Variants in DNASE1 observed in about 807,000 individuals in gnomAD.
DNASE1 encodes the protein deoxyribonuclease 1.
Under a neutral mutation model 33.9 loss-of-function variants are expected in DNASE1, and 40 were observed. The ratio of observed to expected loss-of-function variants is 1.18; its 90% confidence interval spans 0.92 to 1.54. DNASE1 has a LOEUF of 1.54. Among genes scored for constraint, DNASE1 ranks in the 40% most tolerant of loss-of-function variants. The probability of loss-of-function intolerance (pLI) is 0.00; values close to 1 mark genes in which losing one functional copy is unlikely to be tolerated. For synonymous variants in DNASE1, 216 were observed against 160.0 expected, an observed-to-expected ratio of 1.35 and a Z score of -2.64; for missense variants, 518 against 372.6, an observed-to-expected ratio of 1.39 and a Z score of -3.21.
At chr16:3,617,624 G>A (rs1042051872) in intron 1 of DNASE1, among the ~76,000 whole-genome samples, 4 of 152,224 alleles carry the variant, frequency 2.6e-5, no homozygotes, top group Admixed American at 2.6e-4. Flanking sequence ...ACCGCAAGGT[G>A]ATGGGATTAG....
exon 10 of DNASE1, chr16:3,664,518 A>G: frequency 6.5e-7 from 1 of 1,527,372 alleles, no homozygotes; most frequent in Non-Finnish European, 8.8e-7. Context: ...ATGTTGCCCA[A>G]CTAACTGGGC....
At chr16:3,626,640 G>C (rs1436017216) in intron 1 of DNASE1, among the ~76,000 whole-genome samples, 2 of 152,212 alleles carry the variant, frequency 1.3e-5, no homozygotes, top group Admixed American at 1.3e-4. Flanking sequence ...ATGTCAGTTA[G>C]ATCCAGTTGG....
chr16:3,637,921 A>G (rs1324598441), intron 1 of DNASE1, among the ~76,000 whole-genome samples: 1 of 152,144 alleles, frequency 6.6e-6, no homozygotes, highest in Admixed American at 6.5e-5. Context: ...TTTGCCCTGT[A>G]ACTTCAGTTC....
At chr16:3,635,857 T>C (rs2041853818) in intron 1 of DNASE1, among the ~76,000 whole-genome samples, 1 of 152,220 alleles carries the variant, frequency 6.6e-6, no homozygotes, top group Admixed American at 6.5e-5. Flanking sequence ...ATTTTCTCTT[T>C]GTCTTTGATT....
chr16:3,626,488 G>T (rs994571429), intron 1 of DNASE1, among the ~76,000 whole-genome samples: 1 of 152,168 alleles, frequency 6.6e-6, no homozygotes, highest in Admixed American at 6.5e-5. Flanking sequence ...TATGGTCAGA[G>T]ATCATACTTT....
At chr16:3,648,285 G>A (rs773862597) in intron 1 of DNASE1, among the ~76,000 whole-genome samples, 6 of 151,898 alleles carry the variant, frequency 4.0e-5, no homozygotes, top group Non-Finnish European at 8.8e-5. Flanking sequence ...TGCAGTGGCC[G>A]GATGCGGTGG....
upstream of DNASE1, among the ~76,000 whole-genome samples, chr16:3,649,993 C>T (rs903829467): frequency 3.9e-5 from 6 of 152,062 alleles, no homozygotes; most frequent in South Asian, 6.2e-4. Flanking sequence ...AATTTCAAGT[C>T]ATCCTTAAAT....
chr16:3,652,634 G>A (rs2076686895), upstream of DNASE1: 1 of 152,224 alleles, frequency 6.6e-6, no homozygotes, highest in African/African-American at 2.4e-5. Flanking sequence ...AGGGACAGAT[G>A]AGTGCACCAG....
intron 1 of DNASE1, among the ~76,000 whole-genome samples, chr16:3,623,850 C>T (rs1285001177): frequency 6.6e-6 from 1 of 152,150 alleles, no homozygotes; most frequent in Non-Finnish European, 1.5e-5. Flanking sequence ...ATCAAAACCA[C>T]AGTGAGATAT....
chr16:3,616,993 C>T (rs2041125470), intron 1 of DNASE1, among the ~76,000 whole-genome samples: 1 of 152,058 alleles, frequency 6.6e-6, no homozygotes, highest in Non-Finnish European at 1.5e-5. Context: ...CAAATATTAA[C>T]TCAGAATGGA....
intron 1 of DNASE1, among the ~76,000 whole-genome samples, chr16:3,617,356 A>AAAAAAAAAC (rs2041144810): frequency 6.7e-6 from 1 of 148,962 alleles, no homozygotes; most frequent in Non-Finnish European, 1.5e-5. Flanking sequence ...AAAAAAAAGA[A>AAAAAAAAAC]TACTACAAGG....
At chr16:3,662,374 G>A (rs1262279739), downstream of DNASE1, 5 of 591,898 alleles carry the variant, frequency 8.4e-6, no homozygotes, top group East Asian at 5.7e-5. Context: ...GCTGCCTCCA[G>A]GAGCTGCCCG....
intron 1 of DNASE1, among the ~76,000 whole-genome samples, chr16:3,630,706 A>G (rs1310333494): frequency 6.6e-6 from 1 of 151,644 alleles, no homozygotes. Flanking sequence ...TTGACTTTCA[A>G]TCTAGTTGTG....
At position 3,654,694 on chromosome 16, in the gene DNASE1, G is replaced by GTTTT; in HGVS notation, c.-350_-347dup. On this transcript the variant is annotated 5_prime_UTR_variant, in exon 1 of 9. Coordinates refer to ENST00000246949, the MANE Select transcript of DNASE1 (RefSeq NM_005223.4). ...AGTGCAAACGTGATTATCAGGTGCA[G>GTTTT]TTTTTACAGCAGCAAGAAACCTGTG... 2.5e-6 allele frequency: 1 copy of GTTTT among 399,636 alleles called. No individual in the cohort carries two copies. The highest frequency in any genetic ancestry group is 1.3e-4 in the South Asian group (1 of 7,896). 24.8% of individuals were successfully genotyped at this position (399,636 alleles called of 1,614,324 possible). A position where few individuals can be genotyped will look rare whatever the true frequency, so the allele number is the denominator to read the frequency against.
intron 1 of DNASE1, among the ~76,000 whole-genome samples, chr16:3,637,876 C>T (rs570396170): frequency 1.3e-5 from 2 of 152,124 alleles, no homozygotes; most frequent in Non-Finnish European, 2.9e-5. Context: ...CTCCAGTTCA[C>T]CCTGTTGACA....
intron 1 of DNASE1, among the ~76,000 whole-genome samples, chr16:3,630,038 C>G (rs1439450422): frequency 2.0e-5 from 3 of 152,110 alleles, no homozygotes; most frequent in African/African-American, 7.2e-5. Context: ...AGACTGGTCT[C>G]AAAATCCTAA....
At chr16:3,628,060 C>G (rs562378392) in intron 1 of DNASE1, among the ~76,000 whole-genome samples, 1 of 150,998 alleles carries the variant, frequency 6.6e-6, no homozygotes, top group East Asian at 1.9e-4. Context: ...TTAACAATAT[C>G]GTCCAACCCA....
At chr16:3,633,955 C>A (rs2041786405) in intron 1 of DNASE1, among the ~76,000 whole-genome samples, 1 of 151,808 alleles carries the variant, frequency 6.6e-6, no homozygotes, top group Non-Finnish European at 1.5e-5. Flanking sequence ...GCTACAGGTG[C>A]CCACCACCAC....
In DNASE1 at chr16:3,657,025, C is replaced by T; in HGVS notation, c.463C>T (p.Leu155=). The T allele has an allele frequency of 6.2e-7, 1 of 1,613,860 alleles. No individual in the cohort carries two copies. Among genetic ancestry groups the T allele is most frequent in the African/African-American group, 1.3e-5 (1 of 75,036 alleles). Residue 155 remains leucine, a synonymous_variant, in exon 6 of 9, where the codon CTG becomes TTG. Transcript: ENST00000246949. ...GGTCAGGGAGTTTGCCATTGTTCCCCTGCATGCGGCCCCGGGGGACGCAGT... is the reference window on the plus strand; with the variant it reads ...GGTCAGGGAGTTTGCCATTGTTCCCTTGCATGCGGCCCCGGGGGACGCAGT... ...TEVREFAIVP[L]HAAPGDAVAE...
Sources: gnomAD v4.1 joint callset for allele counts (sites outside exome capture counted in the v4.1 genomes callset) on GRCh38, gnomAD v4.1.1 for gene constraint, MANE v1.5 for transcripts, NCBI Gene and HGNC (gene_info 2026-07-23, HGNC 2026-07-21) for gene names.